The following PLXNC1 variants were observed in gnomAD, a reference collection of about 807,000 sequenced individuals.
PLXNC1 encodes plexin C1.
A neutral mutation model predicts 178.2 loss-of-function variants in PLXNC1; 75 were observed. The ratio of observed to expected loss-of-function variants is 0.42; its 90% CI spans 0.35 to 0.51. PLXNC1 has a LOEUF of 0.51. PLXNC1 is among the 20% of genes least tolerant of loss of function. The pLI, the probability that PLXNC1 is intolerant of heterozygous loss-of-function variation, is 0.02. For synonymous variants in PLXNC1, 790 were observed against 779.9 expected, an observed-to-expected ratio of 1.01 and a Z score of -0.22; for missense variants, 1,503 against 1,984.4, an observed-to-expected ratio of 0.76 and a Z score of 4.61.
chr12:94,174,963 T>A (rs1374822650), intron 2 of PLXNC1, among the ~76,000 whole-genome samples: 1 of 152,258 alleles, frequency 6.6e-6, no homozygotes, highest in Non-Finnish European at 1.5e-5. Context: ...GACTGTATGC[T>A]TCTCTTACTA....
intron 9 of PLXNC1, among the ~76,000 whole-genome samples, chr12:94,234,518 G>A (rs1361784729): frequency 6.6e-6 from 1 of 152,186 alleles, no homozygotes; most frequent in African/African-American, 2.4e-5. Context: ...AGTTCAAATT[G>A]TGCAGCCATT....
At chr12:94,209,816 T>A in intron 5 of PLXNC1, 112 bp downstream of exon 5, 1 of 667,954 alleles carries the variant, frequency 1.5e-6, no homozygotes, top group Non-Finnish European at 2.7e-6. Flanking sequence ...TGCTTAGTGA[T>A]AGCACTCCAT....
Position 94,306,704 on chromosome 12 carries a change from A to G in PLXNC1, c.*1419A>G, listed in dbSNP as rs760885557. 9 of 152,214 alleles carry G rather than the reference A, an allele frequency of 5.9e-5. No individual in the cohort carries two copies. The highest frequency in any genetic ancestry group is 1.2e-4 in the Non-Finnish European group (8 of 68,032). The allele number at this position is 152,214 out of a possible 1,614,324, so 9.4% of individuals were successfully genotyped here. On this transcript the variant is annotated 3_prime_UTR_variant, in exon 31 of 31. Coordinates refer to ENST00000258526, the MANE Select transcript of PLXNC1 (RefSeq NM_005761.3). ...ATCATTTACCAACACTGTATGGAGC[A>G]TTAGGATTTAAATATGAATTTGTCT...
intron 4 of PLXNC1, among the ~76,000 whole-genome samples, chr12:94,200,277 G>A (rs1479630385): frequency 6.6e-6 from 1 of 152,186 alleles, no homozygotes; most frequent in Non-Finnish European, 1.5e-5. Context: ...ATCTCAGGCA[G>A]CATGCACTTT....
chr12:94,215,440 T>A (rs574205429), intron 5 of PLXNC1, among the ~76,000 whole-genome samples: 46 of 152,180 alleles, frequency 3.0e-4, no homozygotes, highest in African/African-American at 1.1e-3. Flanking sequence ...TATTTAAAAT[T>A]AATATAAAAT....
chr12:94,185,700 G>A (rs914101616), intron 3 of PLXNC1, among the ~76,000 whole-genome samples: 10 of 152,190 alleles, frequency 6.6e-5, no homozygotes, highest in African/African-American at 2.4e-4. Context: ...CTGAGGTGAC[G>A]GCGCTGCCCC....
chr12:94,224,897 T>C (rs1260911965), intron 7 of PLXNC1, among the ~76,000 whole-genome samples: 1 of 151,958 alleles, frequency 6.6e-6, no homozygotes, highest in African/African-American at 2.4e-5. Context: ...CAGAGTGAGA[T>C]TGTCTCAACA....
Position 94,306,898 on chromosome 12 carries a change from C to G in PLXNC1, c.*1613C>G, listed in dbSNP as rs1339664715. On this transcript the variant is annotated 3_prime_UTR_variant, in exon 31 of 31. Transcript: ENST00000258526. ...ACGGACACACCTCAAACAAACAAAA[C>G]TACCAAATAGATGACAGATCAGAAT... The G allele has an allele frequency of 6.6e-6, 1 of 152,158 alleles. No homozygotes were observed. Among genetic ancestry groups the G allele is most frequent in the Non-Finnish European group, 1.5e-5 (1 of 68,040 alleles). 9.4% of individuals were successfully genotyped at this position (152,158 alleles called of 1,614,324 possible). A position where few individuals can be genotyped will look rare whatever the true frequency, so the allele number is the denominator to read the frequency against.
At chr12:94,208,510 C>T (rs1392132010) in intron 4 of PLXNC1, among the ~76,000 whole-genome samples, 1 of 152,224 alleles carries the variant, frequency 6.6e-6, no homozygotes, top group East Asian at 1.9e-4. Context: ...ATCCATTCCT[C>T]ATTCCGCTCG....
At chr12:94,169,367 A>C in intron 2 of PLXNC1, 74 bp downstream of exon 2, 2 of 1,330,368 alleles carry the variant, frequency 1.5e-6, no homozygotes, top group South Asian at 2.5e-5. Flanking sequence ...CATTTTTTTA[A>C]TGCTTCTGGG....
At chr12:94,224,876 A>T (rs1159401482) in intron 7 of PLXNC1, among the ~76,000 whole-genome samples, 1 of 152,228 alleles carries the variant, frequency 6.6e-6, no homozygotes, top group Admixed American at 6.5e-5. Flanking sequence ...CCCGCATTCC[A>T]GTCTGAGTGA....
intron 7 of PLXNC1, 34 bp downstream of exon 7, chr12:94,224,349 G>A (rs373264415): frequency 2.4e-5 from 27 of 1,107,920 alleles, no homozygotes; most frequent in East Asian, 1.9e-4. Flanking sequence ...ATATTCTCTC[G>A]TTGATCTTAA....
rs543781016 is a variant in PLXNC1, at chr12:94,242,044, GA to G, written c.2300+1387del. ...GAGAAAGAGGAAAAAAAGTAGAGAA[GA>G]AAAAAATCACTTTTAATATTCTTAT... On this transcript the variant is annotated intron_variant, in intron 11 of 30. Transcript: ENST00000258526. Among the ~76,000 whole-genome samples, 133 of 151,866 alleles carry G rather than the reference GA, an allele frequency of 8.8e-4. 1 individual carries two copies. The highest frequency in any genetic ancestry group is 3.2e-3 in the African/African-American group (131 of 41,406).
chr12:94,276,957 C>T (rs1420871107), intron 21 of PLXNC1: 4 of 152,160 alleles, frequency 2.6e-5, no homozygotes, highest in Admixed American at 1.3e-4. Context: ...TCCACTGATT[C>T]GGAGTTTTAA....
In PLXNC1 at chr12:94,230,170, A is replaced by C. The variant is rs1042398556; in HGVS notation, c.1980+2935A>C. 2.6e-5 allele frequency among the ~76,000 whole-genome samples: 4 copies of C among 152,180 alleles called. No homozygotes were observed. The East Asian group carries it at 5.8e-4, about 22-fold the overall frequency. ...TCCATTTCTATAATTTTATCATTTC[A>C]ATAATTTTATATAAACGGAATCATC... On this transcript the variant is annotated intron_variant, in intron 9 of 30. Coordinates refer to ENST00000258526, the MANE Select transcript of PLXNC1 (RefSeq NM_005761.3).
At chr12:94,274,308 G>A (rs1965783883) in intron 21 of PLXNC1, among the ~76,000 whole-genome samples, 1 of 152,094 alleles carries the variant, frequency 6.6e-6, no homozygotes, top group Non-Finnish European at 1.5e-5. Flanking sequence ...ACTTCAGCCT[G>A]GGCAACAGAG....
intron 2 of PLXNC1, among the ~76,000 whole-genome samples, chr12:94,171,947 C>T (rs1395955909): frequency 6.6e-6 from 1 of 152,190 alleles, no homozygotes; most frequent in Non-Finnish European, 1.5e-5. Context: ...CCAAGCCTCT[C>T]CCCTGTATCC....
At chr12:94,201,748 CTTTTTTTTTTTTTTTTTTTTTTT>C (rs10529488) in intron 4 of PLXNC1, among the ~76,000 whole-genome samples, 4 of 54,422 alleles carry the variant, frequency 7.3e-5, no homozygotes, top group African/African-American at 2.9e-4. Context: ...CTTCCCACTA[CTTTTTTTTTTTTTTTTTTTTTTT>C]TTTTTTTTTT....
rs751360894 is a variant in PLXNC1, at chr12:94,297,417, G to T, written c.4068G>T (p.Ser1356=). 22 of 1,609,592 alleles carry T rather than the reference G, an allele frequency of 1.4e-5. No individual in the cohort carries two copies. The highest frequency in any genetic ancestry group is 1.6e-4 in the Middle Eastern group (1 of 6,074). Residue 1356 remains serine, a synonymous_variant, in exon 26 of 31, where the codon TCG becomes TCT. Transcript: ENST00000258526. ...VKEMYLTKLL[S]TKVAIHSVLE... Reference sequence around the variant, plus strand: ...AAATGTATCTGACAAAGCTGCTGTCGACCAAGGTACACTTACTGTTCTGGG... The same window carrying T: ...AAATGTATCTGACAAAGCTGCTGTCTACCAAGGTACACTTACTGTTCTGGG...
Sources: gnomAD v4.1 joint callset for allele counts (sites outside exome capture counted in the v4.1 genomes callset) on GRCh38, gnomAD v4.1.1 for gene constraint, MANE v1.5 for transcripts, NCBI Gene and HGNC (gene_info 2026-07-23, HGNC 2026-07-21) for gene names.